Variants in C1orf21 observed in about 807,000 individuals in gnomAD.
C1orf21 encodes the protein uncharacterized protein C1orf21.
C1orf21 carries 3 observed loss-of-function variants against 18.7 expected under a neutral mutation model. The observed-to-expected ratio is 0.16, with a 90% confidence interval of 0.07 to 0.42. The LOEUF (loss-of-function observed/expected upper bound fraction) is 0.42, where lower values mean the gene tolerates loss of function less well. C1orf21 is among the 10% of genes least tolerant of loss of function. The pLI, the probability that C1orf21 is intolerant of heterozygous loss-of-function variation, is 0.99. For synonymous variants in C1orf21, 41 were observed against 46.4 expected (o/e 0.88, Z 0.47); for missense variants, 104 against 143.6 (o/e 0.72, Z 1.41).
chr1:184,517,349 C>A (rs182033398), intron 3 of C1orf21, among the ~76,000 whole-genome samples: 57 of 152,270 alleles, frequency 3.7e-4, no homozygotes, highest in Non-Finnish European at 8.1e-4. Context: ...AGCAAACTGA[C>A]TTTTCTGTGT....
intron 1 of C1orf21, among the ~76,000 whole-genome samples, chr1:184,392,885 G>A (rs1166550633): frequency 2.1e-5 from 3 of 145,884 alleles, no homozygotes; most frequent in African/African-American, 5.2e-5. Context: ...CTAGAGTGCA[G>A]TGGCACAATT....
At position 184,479,445 on chromosome 1, in the gene C1orf21, G is replaced by A. The variant is rs147540574; in HGVS notation, c.94+1842G>A. 2.5e-3 allele frequency among the ~76,000 whole-genome samples: 385 copies of A among 152,158 alleles called. 1 individual carries two copies. The highest frequency in any genetic ancestry group is 8.9e-3 in the African/African-American group (370 of 41,510). On this transcript the variant is annotated intron_variant, in intron 2 of 5. Coordinates refer to ENST00000235307, the MANE Select transcript of C1orf21 (RefSeq NM_030806.4). Reference sequence around the variant, plus strand: ...TATGTTGAATTTTCACAACAATCTTGTGAAATATGTGCTACGCAAATTTTA... The same window carrying A: ...TATGTTGAATTTTCACAACAATCTTATGAAATATGTGCTACGCAAATTTTA...
At chr1:184,444,055 G>A (rs1656991380) in intron 1 of C1orf21, among the ~76,000 whole-genome samples, 1 of 152,160 alleles carries the variant, frequency 6.6e-6, no homozygotes, top group Non-Finnish European at 1.5e-5. Flanking sequence ...ATTTCAATTT[G>A]TGTAACCTGT....
intron 3 of C1orf21, among the ~76,000 whole-genome samples, chr1:184,536,111 TACA>T (rs1323150613): frequency 4.6e-5 from 7 of 152,208 alleles, no homozygotes; most frequent in African/African-American, 1.7e-4. Flanking sequence ...CATTGTAATA[TACA>T]GTTTACAGAG....
chr1:184,412,962 T>C (rs182097195), intron 1 of C1orf21, among the ~76,000 whole-genome samples: 2 of 152,360 alleles, frequency 1.3e-5, no homozygotes, highest in African/African-American at 4.8e-5. Context: ...AACCGAGATA[T>C]CTTCCTTAGC....
intron 3 of C1orf21, among the ~76,000 whole-genome samples, chr1:184,570,992 G>A (rs778737742): frequency 6.6e-5 from 10 of 152,160 alleles, no homozygotes; most frequent in Non-Finnish European, 1.3e-4. Flanking sequence ...ACATCTCTAA[G>A]CATAGAAAAG....
At chr1:184,495,618 T>G (rs1210466428) in intron 2 of C1orf21, among the ~76,000 whole-genome samples, 1 of 152,130 alleles carries the variant, frequency 6.6e-6, no homozygotes, top group African/African-American at 2.4e-5. Flanking sequence ...GACACTGTTT[T>G]TGTTTATTAC....
At chr1:184,395,476 A>G (rs1656038115) in intron 1 of C1orf21, among the ~76,000 whole-genome samples, 1 of 152,150 alleles carries the variant, frequency 6.6e-6, no homozygotes, top group South Asian at 2.1e-4. Flanking sequence ...TTATTGAACA[A>G]ACATTGACTT....
At chr1:184,530,755 A>C (rs544619632) in intron 3 of C1orf21, among the ~76,000 whole-genome samples, 12 of 151,770 alleles carry the variant, frequency 7.9e-5, no homozygotes, top group Non-Finnish European at 1.6e-4. Context: ...CCTACCTTGA[A>C]TTTATGATCT....
chr1:184,490,037 C>T (rs1657795008), intron 2 of C1orf21, among the ~76,000 whole-genome samples: 1 of 152,174 alleles, frequency 6.6e-6, no homozygotes, highest in Non-Finnish European at 1.5e-5. Flanking sequence ...TGAAATCTAT[C>T]CCAGAGGAGA....
chr1:184,397,085 T>C (rs1256914839), intron 1 of C1orf21, among the ~76,000 whole-genome samples: 1 of 151,936 alleles, frequency 6.6e-6, no homozygotes, highest in Non-Finnish European at 1.5e-5. Context: ...TTCAGAGGTG[T>C]GATAGAAAAG....
At chr1:184,413,584 C>T (rs1329530234) in intron 1 of C1orf21, among the ~76,000 whole-genome samples, 3 of 152,124 alleles carry the variant, frequency 2.0e-5, no homozygotes, top group Non-Finnish European at 2.9e-5. Flanking sequence ...CTGACTGCAC[C>T]AGAAAACTAT....
intron 5 of C1orf21, among the ~76,000 whole-genome samples, chr1:184,600,729 A>G (rs1659574735): frequency 6.6e-6 from 1 of 152,222 alleles, no homozygotes; most frequent in Admixed American, 6.5e-5. Flanking sequence ...TTTACATTGG[A>G]AGAAGAGCTC....
intron 1 of C1orf21, among the ~76,000 whole-genome samples, chr1:184,474,891 A>G (rs1299700133): frequency 2.0e-5 from 3 of 152,156 alleles, no homozygotes; most frequent in Non-Finnish European, 4.4e-5. Flanking sequence ...ACCTTACGTG[A>G]TAATGCTGGG....
chr1:184,470,451 A>G (rs1170250232), intron 1 of C1orf21, among the ~76,000 whole-genome samples: 1 of 152,224 alleles, frequency 6.6e-6, no homozygotes, highest in East Asian at 1.9e-4. Flanking sequence ...CCTAAGTGAC[A>G]TGGGGAACCA....
At chr1:184,469,231 C>T (rs992413217) in intron 1 of C1orf21, among the ~76,000 whole-genome samples, 2 of 152,180 alleles carry the variant, frequency 1.3e-5, no homozygotes, top group African/African-American at 4.8e-5. Context: ...GTCTGGGTGA[C>T]AGAGTGAGAC....
intron 3 of C1orf21, among the ~76,000 whole-genome samples, chr1:184,535,253 G>A (rs1439707059): frequency 6.6e-6 from 1 of 152,122 alleles, no homozygotes; most frequent in South Asian, 2.1e-4. Flanking sequence ...AGAGGGGTGC[G>A]TAAAATTGAA....
intron 1 of C1orf21, among the ~76,000 whole-genome samples, chr1:184,430,358 A>G (rs1393690395): frequency 6.6e-6 from 1 of 152,170 alleles, no homozygotes; most frequent in Non-Finnish European, 1.5e-5. Flanking sequence ...CTCCTCAGAT[A>G]TGAGGATTGT....
intron 1 of C1orf21, among the ~76,000 whole-genome samples, chr1:184,436,137 A>G (rs1656854296): frequency 6.6e-6 from 1 of 152,094 alleles, no homozygotes; most frequent in Non-Finnish European, 1.5e-5. Context: ...AAATTGCAGA[A>G]GAGAAGTCCT....
Sources: gnomAD v4.1 joint callset for allele counts (sites outside exome capture counted in the v4.1 genomes callset) on GRCh38, gnomAD v4.1.1 for gene constraint, MANE v1.5 for transcripts, NCBI Gene and HGNC (gene_info 2026-07-23, HGNC 2026-07-21) for gene names.